The following CCDC13 variants were observed in gnomAD, a reference collection of about 807,000 sequenced individuals.
The protein encoded by CCDC13 is coiled-coil domain-containing protein 13.
CCDC13 carries 70 observed loss-of-function variants against 87.3 expected under a neutral mutation model. The ratio of observed to expected loss-of-function variants is 0.80; its 90% CI spans 0.66 to 0.98. CCDC13 has a LOEUF of 0.98. Ranked by LOEUF, CCDC13 falls within the 50% of genes least tolerant of loss-of-function variation. The pLI is 0.00. For missense variants in CCDC13, 842 were observed against 892.0 expected (o/e 0.94, Z 0.71); for synonymous variants, 317 against 360.3 (o/e 0.88, Z 1.36).
intron 6 of CCDC13, chr3:42,746,835 T>G (rs930566184): frequency 1.1e-5 from 3 of 277,570 alleles, no homozygotes. Context: ...CCTATTCATT[T>G]TCTGTTACAG....
At chr3:42,757,262 G>A in intron 2 of CCDC13, 48 bp from the exon 3 acceptor site, 2 of 1,587,654 alleles carry the variant, frequency 1.3e-6, no homozygotes, top group African/African-American at 2.7e-5. Flanking sequence ...AAAGGCCCTG[G>A]TGGGCAGGGG....
intron 9 of CCDC13, among the ~76,000 whole-genome samples, chr3:42,737,578 G>T (rs1226626813): frequency 6.6e-6 from 1 of 152,174 alleles, no homozygotes; most frequent in Non-Finnish European, 1.5e-5. Flanking sequence ...AGCACCTGTT[G>T]TTTCCTGACT....
chr3:42,757,664 GCTATCAT>G (rs1353262648), intron 2 of CCDC13, among the ~76,000 whole-genome samples: 2 of 152,148 alleles, frequency 1.3e-5, no homozygotes, highest in Non-Finnish European at 2.9e-5. Flanking sequence ...GCTGCAGTGA[GCTATCAT>G]CCTGCATTCC....
chr3:42,767,546 G>T (rs2125915289), intron 1 of CCDC13, among the ~76,000 whole-genome samples: 1 of 152,262 alleles, frequency 6.6e-6, no homozygotes, highest in Middle Eastern at 3.4e-3. Flanking sequence ...TTGCAATAAA[G>T]AAATCCCAGC....
chr3:42,744,531 C>T (rs763019113), intron 7 of CCDC13, among the ~76,000 whole-genome samples: 28 of 152,124 alleles, frequency 1.8e-4, no homozygotes, highest in Non-Finnish European at 2.6e-4. Flanking sequence ...CAGGGCCGGG[C>T]GTGGTGGCTC....
At chr3:42,768,412 A>G (rs1175725405) in intron 1 of CCDC13, among the ~76,000 whole-genome samples, 2 of 152,228 alleles carry the variant, frequency 1.3e-5, no homozygotes, top group African/African-American at 2.4e-5. Flanking sequence ...GAAAATGAAA[A>G]GAGGCCGGGA....
chr3:42,746,094 GTATT>G, intron 6 of CCDC13, 67 bp from the exon 7 acceptor site: 7 of 1,113,880 alleles, frequency 6.3e-6, no homozygotes, highest in Non-Finnish European at 9.6e-6. Flanking sequence ...ATGCTGCTAC[GTATT>G]TAGAAGCATA....
In CCDC13 at chr3:42,751,992, C is replaced by A. The variant is rs373099866; in HGVS notation, c.547G>T (p.Gly183Trp). The stretch of plus-strand genomic sequence containing the variant: ...GGCTTGGCTCCTGCGTCGGTGGCCC[C>A]CTTGGCTGACAGCCTGGTCAGGGCT... ...QTALTRLSAKGATDAGAKPPR... is the reference protein window; with the variant it reads ...QTALTRLSAKWATDAGAKPPR... The change falls in exon 5 of 16, where the codon GGG (glycine) becomes TGG (tryptophan). Residue 183 changes from glycine (G) to tryptophan (W), a missense_variant. Coordinates refer to ENST00000310232, the MANE Select transcript of CCDC13 (RefSeq NM_144719.4). 1 of 1,609,376 alleles carries A rather than the reference C, an allele frequency of 6.2e-7. No homozygotes were observed. Among genetic ancestry groups the A allele is most frequent in the African/African-American group, 1.3e-5 (1 of 74,924 alleles).
intron 13 of CCDC13, among the ~76,000 whole-genome samples, chr3:42,723,989 T>C (rs1021827631): frequency 7.9e-5 from 12 of 152,112 alleles, no homozygotes; most frequent in Admixed American, 2.0e-4. Context: ...CAAATAAATA[T>C]AAGGTTAATA....
chr3:42,720,588 A>G (rs1396463621), intron 13 of CCDC13, among the ~76,000 whole-genome samples: 1 of 152,260 alleles, frequency 6.6e-6, no homozygotes, highest in Non-Finnish European at 1.5e-5. Flanking sequence ...GTGTAAAGAA[A>G]GTGAAATGTG....
intron 12 of CCDC13, 38 bp from the exon 13 acceptor site, chr3:42,730,627 C>A (rs147483095): frequency 6.2e-7 from 1 of 1,606,554 alleles, no homozygotes; most frequent in African/African-American, 1.3e-5. Flanking sequence ...AGAGGTCATC[C>A]GAGGCCTAGA....
At chr3:42,717,368 G>A (rs983128665) in intron 13 of CCDC13, among the ~76,000 whole-genome samples, 1 of 151,080 alleles carries the variant, frequency 6.6e-6, no homozygotes, top group Non-Finnish European at 1.5e-5. Flanking sequence ...AGAGGTTGCA[G>A]TGAGCCGAGA....
At chr3:42,772,380 T>G (rs1035110905) in intron 1 of CCDC13, among the ~76,000 whole-genome samples, 1 of 147,912 alleles carries the variant, frequency 6.8e-6, no homozygotes, top group African/African-American at 2.5e-5. Flanking sequence ...GTAGGAAGAG[T>G]GGCATGCACT....
rs534397475 is a variant in CCDC13, at chr3:42,739,786, G to C, written c.1012C>G (p.Leu338Val). Residue 338 changes from leucine to valine, a missense_variant, in exon 9 of 16, where the codon CTC (leucine) becomes GTC (valine). Coordinates refer to ENST00000310232, the MANE Select transcript of CCDC13 (RefSeq NM_144719.4). ...TTTAGCTCTTCAAGCTCTCTCTGGA[G>C]GACATCCCGTTCACTGGCAAGTTTC... ...LEKLASERDV[L>V]QRELEELKKK... The C allele has an allele frequency of 6.2e-7, 1 of 1,614,114 alleles. No individual in the cohort carries two copies. Among genetic ancestry groups the C allele is most frequent in the South Asian group, 1.1e-5 (1 of 91,090 alleles).
At chr3:42,761,180 T>C (rs779325237) in intron 1 of CCDC13, among the ~76,000 whole-genome samples, 13 of 152,162 alleles carry the variant, frequency 8.5e-5, no homozygotes, top group Non-Finnish European at 1.6e-4. Flanking sequence ...ATCATCCAAT[T>C]AATCATAAAT....
In CCDC13 at chr3:42,745,927, C is replaced by T; in HGVS notation, c.821G>A (p.Ser274Asn). ...GAAGTCTGATGACTCACTCACCTTG[C>T]TCTGCAAAACAAGAATTTGTTGAGC... ...GRAQQILVLQ[S>N]KVQELEKQLG... Residue 274 changes from serine (S) to asparagine (N), a missense_variant, in exon 7 of 16, where the codon AGC becomes AAC. Transcript: ENST00000310232. 1.2e-6 allele frequency: 2 copies of T among 1,612,806 alleles called. No individual in the cohort carries two copies. The highest frequency in any genetic ancestry group is 8.5e-7 in the Non-Finnish European group (1 of 1,178,840).
At chr3:42,771,710 A>G (rs746738465) in intron 1 of CCDC13, among the ~76,000 whole-genome samples, 28 of 152,232 alleles carry the variant, frequency 1.8e-4, no homozygotes, top group Middle Eastern at 6.8e-3. Flanking sequence ...AGCCATGATC[A>G]TGCCACCGCA....
At chr3:42,772,286 A>AGT (rs1553695344) in intron 1 of CCDC13, among the ~76,000 whole-genome samples, 1,253 of 11,016 alleles carry the variant, frequency 0.11, 11 homozygotes, top group South Asian at 0.22. Context: ...AAAAAAAAAA[A>AGT]AAAAGTAATA....
Position 42,706,203 on chromosome 3 carries a change from G to A in CCDC13, c.*2777C>T, listed in dbSNP as rs1027711771. 1.3e-5 allele frequency: 2 copies of A among 152,412 alleles called. No individual in the cohort carries two copies. The highest frequency in any genetic ancestry group is 4.8e-5 in the African/African-American group (2 of 41,466). 9.4% of individuals were successfully genotyped at this position (152,412 alleles called of 1,614,324 possible). ...TGGTGGCCGACTGGCTGGATGGAAT[G>A]GTGACCTGTGACCAGTCTGTCTCTC... On this transcript the variant is annotated 3_prime_UTR_variant, in exon 16 of 16. Transcript: ENST00000310232.
Sources: gnomAD v4.1 joint callset for allele counts (sites outside exome capture counted in the v4.1 genomes callset) on GRCh38, gnomAD v4.1.1 for gene constraint, MANE v1.5 for transcripts, NCBI Gene and HGNC (gene_info 2026-07-23, HGNC 2026-07-21) for gene names.